Variants in CCDC141 observed in about 807,000 individuals in gnomAD.
The protein encoded by CCDC141 is coiled-coil domain-containing protein 141.
A neutral mutation model predicts 181.0 loss-of-function variants in CCDC141; 168 were observed. The ratio of observed to expected loss-of-function variants is 0.93; its 90% CI spans 0.82 to 1.05. The LOEUF (loss-of-function observed/expected upper bound fraction) is 1.05. CCDC141 is among the 50% of genes least tolerant of loss of function. The probability of loss-of-function intolerance (pLI) is 0.00; values close to 1 mark genes in which losing one functional copy is unlikely to be tolerated. For synonymous variants in CCDC141, 666 were observed against 642.3 expected, an observed-to-expected ratio of 1.04 and a Z score of -0.56; for missense variants, 1,902 against 1,788.5, an observed-to-expected ratio of 1.06 and a Z score of -1.14.
At position 178,961,249 on chromosome 2, in the gene CCDC141, C is replaced by T. The variant is rs1559009156; in HGVS notation, c.761G>A (p.Trp254Ter). Residue 254 changes from tryptophan (W) to a stop codon, truncating the protein, a stop_gained, in exon 5 of 24, where the codon TGG becomes TAG. Transcript: ENST00000443758. LOFTEE classifies it high-confidence loss of function. Reference protein sequence around the residue: ...ELSQVLQICQWDQQENQVTCW... With the variant: ...ELSQVLQICQ ...GGTTACCTGGTTTTCTTGTTGGTCCCACTGACATATCTGCAGAACTTGACT... is the reference window on the plus strand; with the variant it reads ...GGTTACCTGGTTTTCTTGTTGGTCCTACTGACATATCTGCAGAACTTGACT... The T allele has an allele frequency of 1.3e-6, 2 of 1,550,294 alleles. No individual in the cohort carries two copies. Among genetic ancestry groups the T allele is most frequent in the East Asian group, 2.4e-5 (1 of 40,910 alleles).
chr2:178,963,293 G>A (rs1690485736), intron 4 of CCDC141, among the ~76,000 whole-genome samples: 1 of 152,146 alleles, frequency 6.6e-6, no homozygotes, highest in Non-Finnish European at 1.5e-5. Flanking sequence ...TGAGAAGTGA[G>A]AAGAAAGTGA....
At chr2:179,029,107 C>T (rs1023797347) in intron 2 of CCDC141, among the ~76,000 whole-genome samples, 28 of 152,106 alleles carry the variant, frequency 1.8e-4, no homozygotes, top group African/African-American at 6.8e-4. Flanking sequence ...CCAAATATCT[C>T]AGGATATTTG....
At chr2:178,929,895 T>C (rs1689035743) in intron 6 of CCDC141, among the ~76,000 whole-genome samples, 1 of 152,030 alleles carries the variant, frequency 6.6e-6, no homozygotes, top group Admixed American at 6.6e-5. Flanking sequence ...GAATCTGCCT[T>C]TAAAATATAT....
intron 2 of CCDC141, among the ~76,000 whole-genome samples, chr2:179,011,905 A>G (rs555001821): frequency 2.1e-4 from 32 of 152,310 alleles, no homozygotes; most frequent in African/African-American, 7.7e-4. Context: ...ATGGAAATTT[A>G]AAAATTCTTC....
At chr2:179,033,177 G>T (rs1464615408) in intron 2 of CCDC141, among the ~76,000 whole-genome samples, 3 of 151,704 alleles carry the variant, frequency 2.0e-5, no homozygotes, top group South Asian at 4.2e-4. Flanking sequence ...TGGACAGTTG[G>T]TTCTTCACAT....
intron 21 of CCDC141, among the ~76,000 whole-genome samples, chr2:178,849,542 A>G (rs954457015): frequency 2.6e-5 from 4 of 152,248 alleles, no homozygotes; most frequent in Admixed American, 6.5e-5. Flanking sequence ...GCTTAGACAT[A>G]AACATATTCT....
intron 16 of CCDC141, 39 bp downstream of exon 16, chr2:178,867,987 T>A: frequency 6.5e-7 from 1 of 1,528,986 alleles, no homozygotes; most frequent in African/African-American, 1.4e-5. Flanking sequence ...AAGCCCCAGC[T>A]AGAACTGAGT....
At chr2:179,026,703 G>A (rs1408936898) in intron 2 of CCDC141, among the ~76,000 whole-genome samples, 3 of 152,170 alleles carry the variant, frequency 2.0e-5, no homozygotes, top group African/African-American at 7.2e-5. Flanking sequence ...TGCGCACCTG[G>A]AAAAGCCACA....
chr2:178,837,578 A>T lies in CCDC141; in HGVS notation c.3641T>A (p.Ile1214Asn), dbSNP rs767577552. The T allele has an allele frequency of 6.2e-7, 1 of 1,613,842 alleles. No individual in the cohort carries two copies. Among genetic ancestry groups the T allele is most frequent in the Non-Finnish European group, 8.5e-7 (1 of 1,179,882 alleles). Reference protein sequence around the residue: ...EEYECVSPDDISLPPLPGSPE... With the variant: ...EEYECVSPDDNSLPPLPGSPE... ...GCTTCCTGGGAGAGGAGGCAAGGAG[A>T]TGTCATCAGGTGAGACACACTCATA... The change falls in exon 23 of 24, where the codon ATC (isoleucine) becomes AAC (asparagine). Residue 1214 changes from isoleucine to asparagine, a missense_variant. Coordinates refer to ENST00000443758, the MANE Select transcript of CCDC141 (RefSeq NM_173648.4).
chr2:178,959,121 G>C (rs957078144), intron 5 of CCDC141, among the ~76,000 whole-genome samples: 597 of 146,628 alleles, frequency 4.1e-3, no homozygotes, highest in African/African-American at 0.014. Context: ...GGAAGGGGAA[G>C]ATCACACACT....
intron 6 of CCDC141, among the ~76,000 whole-genome samples, chr2:178,931,069 C>G (rs1044231137): frequency 2.0e-5 from 3 of 152,130 alleles, no homozygotes; most frequent in Non-Finnish European, 2.9e-5. Context: ...ATGAAAAGAT[C>G]TGCAACATCA....
chr2:178,840,989 A>G (rs1334398072), intron 22 of CCDC141, among the ~76,000 whole-genome samples: 1 of 152,234 alleles, frequency 6.6e-6, no homozygotes, highest in Non-Finnish European at 1.5e-5. Flanking sequence ...GATGGTAAGT[A>G]ATCAGTGGAA....
At chr2:179,014,582 A>G (rs1559047979) in intron 2 of CCDC141, among the ~76,000 whole-genome samples, 2 of 152,102 alleles carry the variant, frequency 1.3e-5, no homozygotes, top group Non-Finnish European at 2.9e-5. Context: ...CAAGAAAAAA[A>G]CAAACAATCC....
intron 22 of CCDC141, among the ~76,000 whole-genome samples, chr2:178,842,525 A>C (rs1357547171): frequency 6.6e-6 from 1 of 152,226 alleles, no homozygotes; most frequent in Non-Finnish European, 1.5e-5. Context: ...AGGCAGAAAA[A>C]ATGTCTAGAA....
chr2:178,961,685 T>C (rs1235680064), intron 4 of CCDC141, among the ~76,000 whole-genome samples: 2 of 152,186 alleles, frequency 1.3e-5, no homozygotes, highest in Admixed American at 1.3e-4. Flanking sequence ...AGCCGAACAA[T>C]TGTGATAGTG....
At chr2:178,987,423 C>G (rs1204455774) in intron 2 of CCDC141, among the ~76,000 whole-genome samples, 2 of 152,040 alleles carry the variant, frequency 1.3e-5, no homozygotes, top group African/African-American at 4.8e-5. Context: ...GACTTCATGT[C>G]TAAAACACCA....
intron 6 of CCDC141, among the ~76,000 whole-genome samples, chr2:178,942,082 T>C (rs1258068677): frequency 6.6e-6 from 1 of 151,096 alleles, no homozygotes; most frequent in African/African-American, 2.4e-5. Context: ...ACAGTTTGGC[T>C]TGAAAACTAC....
intron 9 of CCDC141, among the ~76,000 whole-genome samples, chr2:178,887,490 A>G (rs1686941204): frequency 6.6e-6 from 1 of 152,158 alleles, no homozygotes; most frequent in Admixed American, 6.5e-5. Flanking sequence ...CTCTAACTCT[A>G]GTCCATACTC....
Position 178,978,505 on chromosome 2 carries a change from T to G in CCDC141, c.396A>C (p.Glu132Asp). 6.7e-7 allele frequency: 1 copy of G among 1,503,748 alleles called. No individual in the cohort carries two copies. The allele number at this position is 1,503,748 out of a possible 1,614,324, so 93.2% of individuals were successfully genotyped here. A position where few individuals can be genotyped will look rare whatever the true frequency, so the allele number is the denominator to read the frequency against. ...AAACCTCTAAGGCATTTTCAAAAAA[T>G]TCAGAAGTCAACCTAAGGAGCTCTG... ...RRTELLRLTS[E>D]FFENALEFAI... The change falls in exon 3 of 24, where the codon GAA becomes GAC. Residue 132 changes from glutamate (E) to aspartate (D), a missense_variant. Transcript: ENST00000443758.
Sources: allele counts gnomAD v4.1 joint callset (sites outside exome capture counted in the v4.1 genomes callset), GRCh38; gene constraint gnomAD v4.1.1; transcripts MANE v1.5; gene names NCBI Gene and HGNC (gene_info 2026-07-23, HGNC 2026-07-21).